FMN1: variants seen among roughly 807,000 people sequenced by gnomAD.
The protein encoded by FMN1 is formin 1, also known as formin-1.
In FMN1, 110 loss-of-function variants were observed where a neutral mutation model predicts 132.4. That is an observed-to-expected ratio of 0.83 (90% CI 0.71 to 0.97). FMN1 has a LOEUF of 0.97. FMN1 is among the 50% of genes least tolerant of loss of function. The pLI is 0.00. For synonymous variants in FMN1, 722 were observed against 651.7 expected (o/e 1.11, Z -1.64); for missense variants, 1,792 against 1,705.3 (o/e 1.05, Z -0.90).
chr15:32,816,929 A>G (rs898204328), intron 17 of FMN1, among the ~76,000 whole-genome samples: 3 of 152,258 alleles, frequency 2.0e-5, no homozygotes, highest in African/African-American at 7.2e-5. Flanking sequence ...AATAGTTTCA[A>G]TCACATTATA....
chr15:32,804,289 T>G lies in FMN1; in HGVS notation c.3972A>C (p.Ala1324=). The G allele has an allele frequency of 6.4e-7, 1 of 1,568,338 alleles. No homozygotes were observed. The highest frequency in any genetic ancestry group is 8.7e-7 in the Non-Finnish European group (1 of 1,155,116). Residue 1324 remains alanine (A), a synonymous_variant, in exon 18 of 21, where the codon GCA becomes GCC. Coordinates refer to ENST00000616417, the MANE Select transcript of FMN1 (RefSeq NM_001277313.2). ...HKMEESHLEN[A]QKSFETTVRY... is the part of the protein sequence containing the mutation. ...AAATCAGAGCTGCTTACCTTTTCTG[T>G]GCATTCTCCAAGTGACTTTCTTCCA... is the stretch of plus-strand genomic sequence containing the variant.
At chr15:33,128,573 G>A (rs184824935) in intron 4 of FMN1, among the ~76,000 whole-genome samples, 4 of 152,294 alleles carry the variant, frequency 2.6e-5, no homozygotes, top group Admixed American at 1.3e-4. Context: ...TCTTGCTTCC[G>A]ATGCGTTCGT....
chr15:32,791,625 GAT>G (rs1337362573), intron 19 of FMN1, among the ~76,000 whole-genome samples: 1 of 152,224 alleles, frequency 6.6e-6, no homozygotes. Context: ...AGTGAGAGAT[GAT>G]AGAGTCCTGA....
intron 7 of FMN1, among the ~76,000 whole-genome samples, chr15:33,007,037 A>G (rs2034455401): frequency 6.6e-6 from 1 of 152,188 alleles, no homozygotes; most frequent in Non-Finnish European, 1.5e-5. Context: ...TAAAATTTCT[A>G]AAAGAGCAGA....
intron 17 of FMN1, among the ~76,000 whole-genome samples, chr15:32,812,682 A>C (rs1485258297): frequency 6.6e-6 from 1 of 152,180 alleles, no homozygotes; most frequent in Non-Finnish European, 1.5e-5. Context: ...CAGATTTTGG[A>C]GCATTTTGCA....
rs527829574 is a variant in FMN1, at chr15:32,804,447, G to A, written c.3929-115C>T. Reference sequence around the variant, plus strand: ...CAGGAGGTCTGAATTCGGGGGGGGGGGGGGGGGGTAGCCTGTAACACATGT... The same window carrying A: ...CAGGAGGTCTGAATTCGGGGGGGGGAGGGGGGGGTAGCCTGTAACACATGT... On this transcript the variant is annotated intron_variant, in intron 17 of 20. Coordinates refer to ENST00000616417, the MANE Select transcript of FMN1 (RefSeq NM_001277313.2). 1.3e-4 allele frequency: 20 copies of A among 148,906 alleles called. 5 individuals are homozygous for A. The highest frequency in any genetic ancestry group is 4.3e-3 in the Middle Eastern group (2 of 464). 9.2% of individuals were successfully genotyped at this position (148,906 alleles called of 1,614,324 possible). A position where few individuals can be genotyped will look rare whatever the true frequency, so the allele number is the denominator to read the frequency against.
intron 4 of FMN1, among the ~76,000 whole-genome samples, chr15:33,114,142 T>G (rs1299338900): frequency 6.6e-6 from 1 of 152,236 alleles, no homozygotes; most frequent in Admixed American, 6.5e-5. Context: ...CAAGGTCCTA[T>G]AGGACACTAC....
intron 7 of FMN1, among the ~76,000 whole-genome samples, chr15:32,992,754 A>AGGG (rs2140864043): frequency 1.3e-5 from 2 of 152,294 alleles, no homozygotes; most frequent in South Asian, 4.1e-4. Flanking sequence ...AGGGTCTATG[A>AGGG]GGGAATAAGA....
At chr15:32,864,466 T>C (rs546778519) in intron 16 of FMN1, among the ~76,000 whole-genome samples, 1 of 152,378 alleles carries the variant, frequency 6.6e-6, no homozygotes, top group Admixed American at 6.5e-5. Flanking sequence ...ATGACCCATA[T>C]GTGGAAAATC....
At chr15:32,826,158 T>TA (rs2058360302) in intron 17 of FMN1, among the ~76,000 whole-genome samples, 1 of 152,136 alleles carries the variant, frequency 6.6e-6, no homozygotes, top group Non-Finnish European at 1.5e-5. Context: ...AGCAGTGGGG[T>TA]CCCTAGAGTG....
chr15:32,784,067 G>C (rs538247941), intron 19 of FMN1, among the ~76,000 whole-genome samples: 1 of 152,208 alleles, frequency 6.6e-6, no homozygotes, highest in African/African-American at 2.4e-5. Context: ...TTTTATTTTT[G>C]ACCACAGGGA....
chr15:33,121,950 CAATT>C (rs1962600346), intron 4 of FMN1, among the ~76,000 whole-genome samples: 1 of 152,252 alleles, frequency 6.6e-6, no homozygotes. Context: ...ATTGTGTTAC[CAATT>C]AATTCATTTA....
At chr15:32,810,953 G>C (rs1452073017) in intron 17 of FMN1, 1 of 455,954 alleles carries the variant, frequency 2.2e-6, no homozygotes, top group Non-Finnish European at 4.4e-6. Context: ...TGCTAACGAG[G>C]AAACAAAGGG....
chr15:33,007,394 T>A (rs2034476578), intron 7 of FMN1, among the ~76,000 whole-genome samples: 1 of 152,188 alleles, frequency 6.6e-6, no homozygotes, highest in Non-Finnish European at 1.5e-5. Context: ...GTTAAGATTC[T>A]GAACTTTCTG....
intron 15 of FMN1, among the ~76,000 whole-genome samples, chr15:32,889,209 C>T (rs1182732739): frequency 6.6e-6 from 1 of 152,168 alleles, no homozygotes; most frequent in African/African-American, 2.4e-5. Context: ...TAACAAGCTC[C>T]ACTGCTATAG....
intron 3 of FMN1, among the ~76,000 whole-genome samples, chr15:33,177,268 A>G (rs1049416362): frequency 2.6e-5 from 4 of 152,172 alleles, no homozygotes; most frequent in African/African-American, 9.7e-5. Flanking sequence ...CTTATTCAGA[A>G]AACAGGCCTA....
intron 9 of FMN1, among the ~76,000 whole-genome samples, chr15:32,952,437 C>T (rs2061674419): frequency 6.6e-6 from 1 of 152,170 alleles, no homozygotes; most frequent in Admixed American, 6.5e-5. Context: ...ATTAATGTGT[C>T]TTATCCCAGT....
At chr15:32,888,550 A>G (rs941085205) in intron 15 of FMN1, among the ~76,000 whole-genome samples, 1 of 152,224 alleles carries the variant, frequency 6.6e-6, no homozygotes, top group Middle Eastern at 3.2e-3. Context: ...TCATGAATCA[A>G]AGAGAAAATT....
intron 8 of FMN1, among the ~76,000 whole-genome samples, chr15:32,966,614 A>G (rs943749081): frequency 8.5e-5 from 13 of 152,190 alleles, no homozygotes; most frequent in South Asian, 2.1e-4. Context: ...GACACCCAAG[A>G]AGGCAAAACG....
Sources: gnomAD v4.1 joint callset for allele counts (sites outside exome capture counted in the v4.1 genomes callset) on GRCh38, gnomAD v4.1.1 for gene constraint, MANE v1.5 for transcripts, NCBI Gene and HGNC (gene_info 2026-07-23, HGNC 2026-07-21) for gene names.